Variants in SYS1 observed in about 807,000 individuals in gnomAD.
SYS1 encodes protein SYS1 homolog.
Under a neutral mutation model 17.8 loss-of-function variants are expected in SYS1, and 8 were observed. That is an observed-to-expected ratio of 0.45 (90% confidence interval 0.26 to 0.81). The LOEUF (loss-of-function observed/expected upper bound fraction) is 0.81, where lower values mean the gene tolerates loss of function less well. Among genes scored for constraint, SYS1 ranks in the 40% least tolerant of loss-of-function variants. The pLI is 0.16. For missense variants in SYS1, 161 were observed against 203.9 expected, an observed-to-expected ratio of 0.79 and a Z score of 1.28; for synonymous variants, 95 against 90.9, an observed-to-expected ratio of 1.05 and a Z score of -0.26.
At chr20:45,362,926 G>C (rs2743414), upstream of SYS1, 130,602 of 165,854 alleles carry the variant, frequency 0.79, 51,670 homozygotes, top group African/African-American at 0.85. Flanking sequence ...CACCCCACTT[G>C]CCTCTCCCCT....
At chr20:45,372,914 T>A (rs1600753366), downstream of SYS1, 1 of 54,782 alleles carries the variant, frequency 1.8e-5, no homozygotes. Context: ...TGGGGAGGAG[T>A]GTGTGAGTGG....
chr20:45,373,684 G>C, downstream of SYS1: 1 of 573,494 alleles, frequency 1.7e-6, no homozygotes, highest in Admixed American at 3.0e-5. Context: ...TGACTTCACA[G>C]AGCGCGCCAC....
intron 1 of SYS1, 90 bp downstream of exon 1, chr20:45,363,405 C>G (rs2743417): frequency 2.1e-6 from 3 of 1,445,742 alleles, no homozygotes; most frequent in South Asian, 2.8e-5. Flanking sequence ...ATGGGTCTGT[C>G]TGCCCCGCCT....
In SYS1 at chr20:45,365,725, T is replaced by C. The variant is rs116649068; in HGVS notation, c.230+39T>C. Reference sequence around the variant, plus strand: ...GTTTTGCTATCCAGCTTTTGGGCTCTTAGTGCTGGGACTAACTTCCTAAGT... The same window carrying C: ...GTTTTGCTATCCAGCTTTTGGGCTCCTAGTGCTGGGACTAACTTCCTAAGT... On this transcript the variant is annotated intron_variant, in intron 3 of 3. Transcript: ENST00000243918. The C allele has an allele frequency of 9.6e-4, 1,530 of 1,591,154 alleles. 15 individuals are homozygous for C. In the African/African-American group the frequency reaches 0.017, roughly 18 times the overall value.
chr20:45,367,668 G>T lies in SYS1; in HGVS notation c.*553G>T. ...GTCAGGGAGAGGATGGCAGATGGAG[G>T]CATCAAGCACAAGGAAAATGCACAA... On this transcript the variant is annotated 3_prime_UTR_variant, in exon 4 of 4. Coordinates refer to ENST00000243918, the MANE Select transcript of SYS1 (RefSeq NM_033542.4). The T allele has an allele frequency of 1.0e-6, 1 of 990,560 alleles. No homozygotes were observed. Among genetic ancestry groups the T allele is most frequent in the African/African-American group, 1.7e-5 (1 of 57,300 alleles). 61.4% of individuals were successfully genotyped at this position (990,560 alleles called of 1,614,324 possible).
chr20:45,371,265 G>A (rs1212816545), downstream of SYS1, among the ~76,000 whole-genome samples: 6 of 152,134 alleles, frequency 3.9e-5, no homozygotes, highest in Non-Finnish European at 7.3e-5. Flanking sequence ...AAGATGTCAC[G>A]TGTAAAGCGC....
chr20:45,362,136 G>A (rs1055353399), upstream of SYS1: 1 of 597,412 alleles, frequency 1.7e-6, no homozygotes, highest in Non-Finnish European at 2.1e-6. Flanking sequence ...AGTCATGGCA[G>A]CAGAGAGGGT....
Position 45,367,226 on chromosome 20 carries a change from A to G in SYS1, c.*111A>G. On this transcript the variant is annotated 3_prime_UTR_variant, in exon 4 of 4. Transcript: ENST00000243918. ...ATCTGAGAGGAACCCTGGAAATGTGAAGTCTCTGTTGGTTTGGGAGAGATA... is the reference window on the plus strand; with the variant it reads ...ATCTGAGAGGAACCCTGGAAATGTGGAGTCTCTGTTGGTTTGGGAGAGATA... 1 of 1,529,414 alleles carries G rather than the reference A, an allele frequency of 6.5e-7. No homozygotes were observed. Among genetic ancestry groups the G allele is most frequent in the East Asian group, 2.3e-5 (1 of 44,112 alleles). 94.7% of individuals were successfully genotyped at this position (1,529,414 alleles called of 1,614,324 possible). A position where few individuals can be genotyped will look rare whatever the true frequency, so the allele number is the denominator to read the frequency against.
rs115999939 is a variant in SYS1 at position 45,368,492 on chromosome 20, A to G, written c.*1377A>G. The G allele has an allele frequency of 6.3e-4, 624 of 985,418 alleles. 6 individuals carry two copies. The African/African-American group carries it at 0.01, about 16-fold the overall frequency. 61.0% of individuals were successfully genotyped at this position (985,418 alleles called of 1,614,324 possible). On this transcript the variant is annotated 3_prime_UTR_variant, in exon 4 of 4. Transcript: ENST00000243918. ...TCAGTTTTCAGCTGTCAGTAACACA[A>G]ATGAGTTTATGGTAACACAAATGAG...
At chr20:45,363,411 C>A in intron 1 of SYS1, 96 bp downstream of exon 1, 1 of 1,447,160 alleles carries the variant, frequency 6.9e-7, no homozygotes, top group Non-Finnish European at 9.1e-7. Flanking sequence ...CTGTCTGCCC[C>A]GCCTTCCCCC....
rs770901952 is a variant in SYS1, at chr20:45,367,113, T to C, written c.469T>C (p.Ter157GlnextTer9). ...CAACTCAGCCCCTAAATCCAATGTC[T>C]AGAATCAGGCCCTTTGGACATCCTG... is the stretch of plus-strand genomic sequence containing the variant. Reference protein sequence around the residue: ...PLNSAPKSNV* With the variant: ...PLNSAPKSNVQ The change falls in exon 4 of 4, where the codon TAG becomes CAG. Residue 157 changes from the stop codon to glutamine, a stop_lost. Coordinates refer to ENST00000243918, the MANE Select transcript of SYS1 (RefSeq NM_033542.4). 13 of 1,614,030 alleles carry C rather than the reference T, an allele frequency of 8.1e-6. No individual in the cohort carries two copies. Among genetic ancestry groups the C allele is most frequent in the Non-Finnish European group, 8.5e-7 (1 of 1,180,016 alleles).
chr20:45,370,057 T>C (rs960560196), downstream of SYS1, among the ~76,000 whole-genome samples: 2 of 152,048 alleles, frequency 1.3e-5, no homozygotes, highest in African/African-American at 4.8e-5. Context: ...CCCAAGTAGC[T>C]GGAATTACAG....
At position 45,367,919 on chromosome 20, in the gene SYS1, C is replaced by T. The variant is rs1339910322; in HGVS notation, c.*804C>T. On this transcript the variant is annotated 3_prime_UTR_variant, in exon 4 of 4. Transcript: ENST00000243918. ...CACTGGACTCCAATTTTTTTTCCTG[C>T]CTTATTTAGAATTCTTTGGCGGGAA... is the stretch of plus-strand genomic sequence containing the variant. 1.0e-6 allele frequency: 1 copy of T among 985,484 alleles called. No individual in the cohort carries two copies. Among genetic ancestry groups the T allele is most frequent in the African/African-American group, 1.7e-5 (1 of 57,200 alleles). The allele number at this position is 985,484 out of a possible 1,614,324, so 61.0% of individuals were successfully genotyped here. A position where few individuals can be genotyped will look rare whatever the true frequency, so the allele number is the denominator to read the frequency against.
At chr20:45,372,378 G>T (rs1774380199), downstream of SYS1, among the ~76,000 whole-genome samples, 1 of 152,198 alleles carries the variant, frequency 6.6e-6, no homozygotes. Flanking sequence ...GAGCAAAGTG[G>T]AAGTTGCCAG....
chr20:45,363,988 T>C (rs1165037413), intron 2 of SYS1, among the ~76,000 whole-genome samples: 1 of 152,172 alleles, frequency 6.6e-6, no homozygotes, highest in Non-Finnish European at 1.5e-5. Context: ...TTCTCTGAGC[T>C]AGGTTCTCAG....
At chr20:45,365,748 A>C (rs1054306881) in intron 3 of SYS1, 62 bp downstream of exon 3, 5 of 1,514,374 alleles carry the variant, frequency 3.3e-6, no homozygotes, top group Non-Finnish European at 4.6e-6. Flanking sequence ...TAACTTCCTA[A>C]GTTTGAACAT....
At chr20:45,363,369 G>T (rs1450321890) in intron 1 of SYS1, 54 bp downstream of exon 1, 8 of 1,430,182 alleles carry the variant, frequency 5.6e-6, no homozygotes, top group Non-Finnish European at 7.3e-6. Flanking sequence ...CAGGCGGAAT[G>T]GGCTGGATTT....
chr20:45,365,674 A>G lies in SYS1; in HGVS notation c.218A>G (p.Asn73Ser). The change falls in exon 3 of 4, where the codon AAC (asparagine) becomes AGC (serine). Residue 73 changes from asparagine to serine, a missense_variant. Physicochemically the swap from Asn to Ser is conservative, Grantham distance 46. Coordinates refer to ENST00000243918, the MANE Select transcript of SYS1 (RefSeq NM_033542.4). The part of the protein sequence containing the change: ...GRLSMMSFIL[N>S]ALTCALGLLY... ...CTCTCCATGATGTCCTTCATCCTCAACGCCCTCACCTGGTGAGTATCACCA... is the reference window on the plus strand; with the variant it reads ...CTCTCCATGATGTCCTTCATCCTCAGCGCCCTCACCTGGTGAGTATCACCA... The G allele has an allele frequency of 6.2e-7, 1 of 1,614,032 alleles. No homozygotes were observed. The highest frequency in any genetic ancestry group is 8.5e-7 in the Non-Finnish European group (1 of 1,179,996).
At chr20:45,374,085 A>AG, downstream of SYS1, 2 of 1,390,044 alleles carry the variant, frequency 1.4e-6, no homozygotes, top group Non-Finnish European at 1.0e-6. Flanking sequence ...GAGCGGGCGC[A>AG]GGGACAAGGG....
Sources: gnomAD v4.1 joint callset for allele counts (sites outside exome capture counted in the v4.1 genomes callset) on GRCh38, gnomAD v4.1.1 for gene constraint, MANE v1.5 for transcripts, NCBI Gene and HGNC (gene_info 2026-07-23, HGNC 2026-07-21) for gene names.